CACNA2D3: variants seen among roughly 807,000 people sequenced by gnomAD.
The protein encoded by CACNA2D3 is calcium voltage-gated channel auxiliary subunit alpha2delta 3.
Under a neutral mutation model 160.6 loss-of-function variants are expected in CACNA2D3, and 60 were observed. The observed-to-expected ratio is 0.37, with a 90% confidence interval of 0.30 to 0.46. The LOEUF (loss-of-function observed/expected upper bound fraction) is 0.46, where lower values mean the gene tolerates loss of function less well. Among genes scored for constraint, CACNA2D3 ranks in the 20% least tolerant of loss-of-function variants. CACNA2D3 has a pLI of 1.00. For missense variants in CACNA2D3, 1,205 were observed against 1,365.0 expected, an observed-to-expected ratio of 0.88 and a Z score of 1.85; for synonymous variants, 558 against 492.9, an observed-to-expected ratio of 1.13 and a Z score of -1.75.
Position 55,074,334 on chromosome 3 carries a change from A to G in CACNA2D3, c.*128A>G, listed in dbSNP as rs1704900317. The stretch of plus-strand genomic sequence containing the variant: ...ATAGTCCAACCATCAGCATCTCATC[A>G]TGATTTTAAACTGTGCGTGATATAA... On this transcript the variant is annotated 3_prime_UTR_variant, in exon 38 of 38. Transcript: ENST00000474759. 1.3e-6 allele frequency: 1 copy of G among 754,640 alleles called. No individual in the cohort carries two copies. Among genetic ancestry groups the G allele is most frequent in the East Asian group, 2.5e-5 (1 of 40,136 alleles). 46.7% of individuals were successfully genotyped at this position (754,640 alleles called of 1,614,324 possible).
chr3:54,218,078 C>T (rs1451113801), intron 2 of CACNA2D3, among the ~76,000 whole-genome samples: 1 of 151,868 alleles, frequency 6.6e-6, no homozygotes, highest in African/African-American at 2.4e-5. Flanking sequence ...GAGAGAGGTG[C>T]GTTAGAGAGA....
At chr3:54,463,505 T>G (rs1030461230) in intron 4 of CACNA2D3, among the ~76,000 whole-genome samples, 4 of 152,216 alleles carry the variant, frequency 2.6e-5, no homozygotes, top group Non-Finnish European at 5.9e-5. Context: ...ACTTCTCATC[T>G]TGCTTCATTT....
chr3:54,600,668 G>C (rs1347369096), intron 9 of CACNA2D3, among the ~76,000 whole-genome samples: 2 of 152,158 alleles, frequency 1.3e-5, no homozygotes, highest in Non-Finnish European at 2.9e-5. Flanking sequence ...GGCAATGAGG[G>C]AACTGACTAT....
At chr3:54,721,817 G>T (rs376438640) in intron 11 of CACNA2D3, among the ~76,000 whole-genome samples, 2 of 150,360 alleles carry the variant, frequency 1.3e-5, no homozygotes, top group Non-Finnish European at 3.0e-5. Context: ...TGGGTAATTC[G>T]ACCTTTCTCT....
intron 11 of CACNA2D3, among the ~76,000 whole-genome samples, chr3:54,710,281 C>T (rs547660806): frequency 1.9e-4 from 29 of 152,134 alleles, no homozygotes. Flanking sequence ...TTTGTATTAA[C>T]GAGGCTAGGC....
At chr3:55,051,397 G>A (rs1046397481) in intron 35 of CACNA2D3, among the ~76,000 whole-genome samples, 1 of 151,488 alleles carries the variant, frequency 6.6e-6, no homozygotes, top group East Asian at 1.9e-4. Context: ...CTGGGGGGGT[G>A]CCTCCCAGTT....
At chr3:54,588,783 G>A (rs1481069802) in intron 9 of CACNA2D3, among the ~76,000 whole-genome samples, 1 of 151,834 alleles carries the variant, frequency 6.6e-6, no homozygotes, top group African/African-American at 2.4e-5. Context: ...TGCTGATGAA[G>A]GAAATCAAAG....
At chr3:54,859,543 T>C (rs1038422500) in intron 17 of CACNA2D3, among the ~76,000 whole-genome samples, 7 of 152,186 alleles carry the variant, frequency 4.6e-5, no homozygotes, top group African/African-American at 1.7e-4. Context: ...CCCTCTCTCC[T>C]AGAGATGGAG....
chr3:54,837,960 A>G (rs1698733769), intron 15 of CACNA2D3, among the ~76,000 whole-genome samples: 1 of 152,000 alleles, frequency 6.6e-6, no homozygotes, highest in Non-Finnish European at 1.5e-5. Context: ...ACTTGGGGGG[A>G]CACTGTTCAA....
chr3:54,300,369 A>G (rs62254150), intron 2 of CACNA2D3, among the ~76,000 whole-genome samples: 14,431 of 152,292 alleles, frequency 0.095, 905 homozygotes, highest in East Asian at 0.21. Context: ...ATTCTCCCAA[A>G]TGGCCCTTGC....
intron 4 of CACNA2D3, among the ~76,000 whole-genome samples, chr3:54,417,334 T>C (rs1699768875): frequency 6.6e-6 from 1 of 152,154 alleles, no homozygotes; most frequent in Admixed American, 6.5e-5. Context: ...GGTAAAATAA[T>C]AATTTTCTTG....
chr3:54,626,440 A>C, intron 9 of CACNA2D3: 2 of 1,592,994 alleles, frequency 1.3e-6, no homozygotes, highest in Non-Finnish European at 1.7e-6. Context: ...GGAAGTGGTG[A>C]AGACGCACCT....
At chr3:54,768,128 C>T (rs1212773555) in intron 13 of CACNA2D3, among the ~76,000 whole-genome samples, 2 of 152,108 alleles carry the variant, frequency 1.3e-5, no homozygotes, top group African/African-American at 4.8e-5. Context: ...TTTTTATGAC[C>T]TCAAAATGCT....
At chr3:54,281,075 T>C (rs1702869247) in intron 2 of CACNA2D3, among the ~76,000 whole-genome samples, 1 of 152,228 alleles carries the variant, frequency 6.6e-6, no homozygotes, top group Admixed American at 6.5e-5. Context: ...TGGCATCATG[T>C]GCAAATGAGT....
At position 54,941,043 on chromosome 3, in the gene CACNA2D3, C is replaced by T. The variant is rs999204415; in HGVS notation, c.2450-27407C>T. Among the ~76,000 whole-genome samples, 4 of 152,176 alleles carry T rather than the reference C, an allele frequency of 2.6e-5. No individual in the cohort carries two copies. The South Asian group carries it at 8.3e-4, about 32-fold the overall frequency. On this transcript the variant is annotated intron_variant, in intron 27 of 37. Transcript: ENST00000474759. ...AGGCAATCCTGGTATGTTTCCTTTT[C>T]TCCAGTGATTAAAGCAAATCAAACA...
intron 27 of CACNA2D3, among the ~76,000 whole-genome samples, chr3:54,911,630 G>T (rs1700558747): frequency 6.6e-6 from 1 of 151,920 alleles, no homozygotes; most frequent in Non-Finnish European, 1.5e-5. Context: ...TGTTCCCTCA[G>T]TGGGCCGCTC....
Position 55,004,799 on chromosome 3 carries a change from C to T in CACNA2D3, c.2727C>T (p.Ala909=). The T allele has an allele frequency of 6.2e-7, 1 of 1,613,200 alleles. No individual in the cohort carries two copies. ...ATGACTACCAAGCCATGTGTAGAGC[C>T]AACAAGGAAAGCAGCGATGGCGCCC... is the stretch of plus-strand genomic sequence containing the variant. ...TLYDYQAMCR[A]NKESSDGAHG... Residue 909 remains alanine (A), a synonymous_variant, in exon 32 of 38, where the codon GCC becomes GCT. Transcript: ENST00000474759.
chr3:54,545,009 G>A (rs137980570), intron 5 of CACNA2D3, among the ~76,000 whole-genome samples: 2 of 152,306 alleles, frequency 1.3e-5, no homozygotes, highest in East Asian at 3.9e-4. Context: ...GTTACCTGCT[G>A]TAATAAAATT....
chr3:54,869,485 A>G (rs1018082019), intron 17 of CACNA2D3, among the ~76,000 whole-genome samples: 4 of 152,250 alleles, frequency 2.6e-5, no homozygotes, highest in African/African-American at 9.6e-5. Flanking sequence ...TGCATTGAAT[A>G]AATGAATAAA....
Sources: allele counts gnomAD v4.1 joint callset (sites outside exome capture counted in the v4.1 genomes callset), GRCh38; gene constraint gnomAD v4.1.1; transcripts MANE v1.5; gene names NCBI Gene and HGNC (gene_info 2026-07-23, HGNC 2026-07-21).